Variants in NPFFR2 observed in about 807,000 individuals in gnomAD.
NPFFR2 encodes the protein G-protein coupled receptor 74.
Under a neutral mutation model 13.1 loss-of-function variants are expected in NPFFR2, and 15 were observed. That is an observed-to-expected ratio of 1.15 (90% CI 0.77 to 1.76). The LOEUF (loss-of-function observed/expected upper bound fraction) is 1.76. Ranked by LOEUF, NPFFR2 falls within the 40% of genes most tolerant of loss-of-function variation. The probability of loss-of-function intolerance (pLI) is 0.00; values close to 1 mark genes in which losing one functional copy is unlikely to be tolerated. For missense variants in NPFFR2, 572 were observed against 503.5 expected (o/e 1.14, Z -1.30); for synonymous variants, 190 against 175.7 (o/e 1.08, Z -0.65).
At chr4:72,075,075 C>T (rs974016266) in intron 1 of NPFFR2, among the ~76,000 whole-genome samples, 5 of 152,004 alleles carry the variant, frequency 3.3e-5, no homozygotes, top group Non-Finnish European at 7.4e-5. Context: ...GTGTTGCCAA[C>T]GAAGATTACC....
chr4:72,060,955 C>G (rs1162429371), intron 1 of NPFFR2, among the ~76,000 whole-genome samples: 1 of 152,114 alleles, frequency 6.6e-6, no homozygotes, highest in African/African-American at 2.4e-5. Context: ...GTACCTTATA[C>G]AATATCAGTC....
intron 1 of NPFFR2, among the ~76,000 whole-genome samples, chr4:72,094,060 A>T (rs1013827785): frequency 2.0e-5 from 3 of 150,800 alleles, no homozygotes; most frequent in African/African-American, 7.4e-5. Context: ...TTCCCTAGGG[A>T]TGGGGCTTTC....
chr4:72,042,188 CT>C, intron 1 of NPFFR2, among the ~76,000 whole-genome samples: 1 of 152,186 alleles, frequency 6.6e-6, no homozygotes, highest in African/African-American at 2.4e-5. Flanking sequence ...TTATAAGGGG[CT>C]TTTCCCCCTT....
chr4:72,121,806 T>C (rs1363630177), intron 1 of NPFFR2, among the ~76,000 whole-genome samples: 1 of 152,062 alleles, frequency 6.6e-6, no homozygotes, highest in Non-Finnish European at 1.5e-5. Flanking sequence ...CATACCAAAT[T>C]GTAAAGACCA....
chr4:72,065,912 T>C (rs1410785174), intron 1 of NPFFR2, among the ~76,000 whole-genome samples: 2 of 152,206 alleles, frequency 1.3e-5, no homozygotes, highest in African/African-American at 4.8e-5. Flanking sequence ...CCTAGTGAAT[T>C]AATGAACTAC....
intron 1 of NPFFR2, among the ~76,000 whole-genome samples, chr4:72,086,867 C>T (rs1008788191): frequency 6.6e-6 from 1 of 151,898 alleles, no homozygotes; most frequent in Non-Finnish European, 1.5e-5. Context: ...AGTTATGCAT[C>T]CCATGGGAAC....
At chr4:72,074,134 C>G (rs1164529941) in intron 1 of NPFFR2, among the ~76,000 whole-genome samples, 1 of 151,996 alleles carries the variant, frequency 6.6e-6, no homozygotes, top group Non-Finnish European at 1.5e-5. Context: ...GTTACTTGAA[C>G]CTAAGTACTG....
chr4:72,087,184 G>T (rs566524555), intron 1 of NPFFR2, among the ~76,000 whole-genome samples: 1 of 151,956 alleles, frequency 6.6e-6, no homozygotes, highest in Non-Finnish European at 1.5e-5. Flanking sequence ...GTAGGAGTTC[G>T]ATTTAACATT....
intron 1 of NPFFR2, among the ~76,000 whole-genome samples, chr4:72,116,368 C>T (rs908483445): frequency 1.3e-5 from 2 of 151,638 alleles, no homozygotes; most frequent in Non-Finnish European, 2.9e-5. Flanking sequence ...TTAAATTTGA[C>T]TACACATGGA....
At chr4:72,119,244 A>C (rs1463962105) in intron 1 of NPFFR2, among the ~76,000 whole-genome samples, 1 of 152,176 alleles carries the variant, frequency 6.6e-6, no homozygotes, top group African/African-American at 2.4e-5. Flanking sequence ...ATGGGCAAAA[A>C]ATAGTGGGAT....
chr4:72,128,786 G>A lies in NPFFR2; in HGVS notation c.195G>A (p.Val65=). Residue 65 remains valine (V), a synonymous_variant, in exon 2 of 4, where the codon GTG becomes GTA. Transcript: ENST00000308744. ...IFFLCMMGNT[V]VCFIVMRNKH... ...TTTTGTGCATGATGGGAAATACTGT[G>A]GTTTGCTTTATTGTAATGAGGAACA... 6.2e-7 allele frequency: 1 copy of A among 1,614,052 alleles called. No homozygotes were observed. The highest frequency in any genetic ancestry group is 1.1e-5 in the South Asian group (1 of 91,064).
chr4:72,126,948 T>A (rs1722062100), intron 1 of NPFFR2, among the ~76,000 whole-genome samples: 1 of 152,072 alleles, frequency 6.6e-6, no homozygotes. Flanking sequence ...ATATGCTGGG[T>A]CCTGCAAGTC....
chr4:72,057,459 C>A (rs932936254), intron 1 of NPFFR2, among the ~76,000 whole-genome samples: 3 of 151,970 alleles, frequency 2.0e-5, no homozygotes, highest in African/African-American at 7.2e-5. Flanking sequence ...GGAACACCTT[C>A]GCTTAAGGCA....
At chr4:72,131,170 GGAT>G (rs1722227759) in intron 2 of NPFFR2, among the ~76,000 whole-genome samples, 1 of 151,982 alleles carries the variant, frequency 6.6e-6, no homozygotes, top group African/African-American at 2.4e-5. Flanking sequence ...TGGCAGGGCA[GGAT>G]GGTTTTGAAA....
chr4:72,042,450 C>G (rs1198663024), intron 1 of NPFFR2, among the ~76,000 whole-genome samples: 1 of 152,138 alleles, frequency 6.6e-6, no homozygotes, highest in Non-Finnish European at 1.5e-5. Flanking sequence ...AACTTTGGAA[C>G]TAAGTAATTG....
At chr4:72,100,438 T>C (rs1721208168) in intron 1 of NPFFR2, among the ~76,000 whole-genome samples, 1 of 152,062 alleles carries the variant, frequency 6.6e-6, no homozygotes, top group Non-Finnish European at 1.5e-5. Context: ...GTTGCTGTGA[T>C]TAGATGAAAT....
At chr4:72,040,022 C>T (rs1719162476) in intron 1 of NPFFR2, among the ~76,000 whole-genome samples, 1 of 152,068 alleles carries the variant, frequency 6.6e-6, no homozygotes, top group South Asian at 2.1e-4. Flanking sequence ...AATATTCTTG[C>T]TCATTTTACT....
chr4:72,138,751 C>T (rs1722501638), intron 3 of NPFFR2, among the ~76,000 whole-genome samples: 1 of 152,044 alleles, frequency 6.6e-6, no homozygotes, highest in Non-Finnish European at 1.5e-5. Flanking sequence ...TAGTAGCATG[C>T]TTTATAATCC....
chr4:72,070,567 G>GGGT (rs1720220814), intron 1 of NPFFR2, among the ~76,000 whole-genome samples: 1 of 137,358 alleles, frequency 7.3e-6, no homozygotes, highest in African/African-American at 2.9e-5. Context: ...GTGTGGGGGG[G>GGGT]GGGGGTGGGG....
Sources: gnomAD v4.1 joint callset for allele counts (sites outside exome capture counted in the v4.1 genomes callset) on GRCh38, gnomAD v4.1.1 for gene constraint, MANE v1.5 for transcripts, NCBI Gene and HGNC (gene_info 2026-07-23, HGNC 2026-07-21) for gene names.